Variants in HMGB1 observed in about 807,000 individuals in gnomAD.
HMGB1 encodes the protein high mobility group box 1.
For missense variants in HMGB1, 79 were observed against 253.5 expected (o/e 0.31, Z 4.67); for synonymous variants, 81 against 84.0 (o/e 0.96, Z 0.19).
intron 1 of HMGB1, among the ~76,000 whole-genome samples, chr13:30,496,943 T>A (rs1164831416): frequency 6.6e-6 from 1 of 151,994 alleles, no homozygotes; most frequent in African/African-American, 2.4e-5. Flanking sequence ...ACAAGTAGTG[T>A]CTCTTTTATT....
At chr13:30,617,165 C>G (rs1950574392) in exon 1 of HMGB1, 1 of 152,182 alleles carries the variant, frequency 6.6e-6, no homozygotes, top group Non-Finnish European at 1.5e-5. Context: ...GTTGACTAGT[C>G]AGAACGGGTC....
intron 1 of HMGB1, among the ~76,000 whole-genome samples, chr13:30,505,879 C>G (rs1033561024): frequency 6.6e-6 from 1 of 152,004 alleles, no homozygotes; most frequent in African/African-American, 2.4e-5. Flanking sequence ...ATCAAGTAGA[C>G]AGTTTTTTTG....
intron 1 of HMGB1, among the ~76,000 whole-genome samples, chr13:30,564,090 A>G (rs1430052976): frequency 6.6e-6 from 1 of 152,104 alleles, no homozygotes; most frequent in Non-Finnish European, 1.5e-5. Context: ...AAGGTGATAT[A>G]TTCTCAAATG....
At chr13:30,612,814 A>G (rs1258595921) in intron 1 of HMGB1, among the ~76,000 whole-genome samples, 1 of 152,208 alleles carries the variant, frequency 6.6e-6, no homozygotes, top group African/African-American at 2.4e-5. Context: ...TACTTCAACA[A>G]GTACTTATAG....
chr13:30,538,642 C>CCTTT (rs796687003), intron 1 of HMGB1, among the ~76,000 whole-genome samples: 57 of 51,034 alleles, frequency 1.1e-3, no homozygotes, highest in East Asian at 6.3e-3. Context: ...TTTCTTTCTT[C>CCTTT]CTTTCTTTCT....
rs188409018 is a variant in HMGB1, at chr13:30,457,401, C to A, written c.*3956G>T. The A allele has an allele frequency of 6.6e-6, 1 of 152,310 alleles. No homozygotes were observed. Among genetic ancestry groups the A allele is most frequent in the African/African-American group, 2.4e-5 (1 of 41,584 alleles). 9.4% of individuals were successfully genotyped at this position (152,310 alleles called of 1,614,324 possible). On this transcript the variant is annotated 3_prime_UTR_variant, in exon 5 of 5. Coordinates refer to ENST00000341423, the MANE Select transcript of HMGB1 (RefSeq NM_002128.7). ...TTGCAGATTTTATTCCTACTTCCTT[C>A]TTTTCAGTGGATGCCCAATAAATTC...
At chr13:30,558,656 T>C (rs1288181712) in intron 1 of HMGB1, among the ~76,000 whole-genome samples, 1 of 152,152 alleles carries the variant, frequency 6.6e-6, no homozygotes, top group African/African-American at 2.4e-5. Flanking sequence ...CCTTCCTTTT[T>C]CCAAAAAGAC....
In HMGB1 at chr13:30,549,953, G is replaced by A. The variant is rs186428260; in HGVS notation, c.-15+66718C>T. 1.4e-3 allele frequency among the ~76,000 whole-genome samples: 205 copies of A among 151,824 alleles called. 1 individual carries two copies. In the East Asian group the frequency reaches 0.031, roughly 23 times the overall value. On this transcript the variant is annotated intron_variant, in intron 1 of 4. Transcript: ENST00000405805. ...GCTGGTCTGGAACTCCTGACCCCAA[G>A]TAATCCGCCTGCCTCAGCCTCCCAA...
intron 1 of HMGB1, among the ~76,000 whole-genome samples, chr13:30,555,669 G>A (rs776130566): frequency 1.5e-4 from 23 of 152,072 alleles, no homozygotes; most frequent in Non-Finnish European, 2.5e-4. Flanking sequence ...AAGACAAACC[G>A]CATTTCCATA....
intron 1 of HMGB1, among the ~76,000 whole-genome samples, chr13:30,580,895 G>A (rs1351949516): frequency 6.6e-6 from 1 of 152,124 alleles, no homozygotes; most frequent in Non-Finnish European, 1.5e-5. Flanking sequence ...TTAGAATTGA[G>A]ACACCCTTTC....
chr13:30,614,790 G>A (rs889826275), intron 1 of HMGB1, among the ~76,000 whole-genome samples: 3 of 151,916 alleles, frequency 2.0e-5, no homozygotes, highest in Non-Finnish European at 1.5e-5. Flanking sequence ...TCTGACCCCC[G>A]GGGTTCAAGC....
chr13:30,514,219 GATA>G (rs1888052944), intron 1 of HMGB1, among the ~76,000 whole-genome samples: 1 of 151,818 alleles, frequency 6.6e-6, no homozygotes, highest in Non-Finnish European at 1.5e-5. Flanking sequence ...ATTACCTCAT[GATA>G]ATAATAGCAA....
At chr13:30,577,813 C>T (rs1870724163) in intron 1 of HMGB1, among the ~76,000 whole-genome samples, 1 of 152,222 alleles carries the variant, frequency 6.6e-6, no homozygotes, top group African/African-American at 2.4e-5. Context: ...AAGTGAGCTA[C>T]TATTATCTCA....
intron 1 of HMGB1, among the ~76,000 whole-genome samples, chr13:30,497,499 A>T (rs1376538854): frequency 6.8e-6 from 1 of 146,556 alleles, no homozygotes; most frequent in Non-Finnish European, 1.5e-5. Flanking sequence ...CAGGTTTGTT[A>T]TATAGGTAAA....
intron 1 of HMGB1, among the ~76,000 whole-genome samples, chr13:30,482,246 C>T (rs746909543): frequency 9.2e-5 from 14 of 152,292 alleles, no homozygotes; most frequent in Non-Finnish European, 1.2e-4. Flanking sequence ...TTCCGTGTCC[C>T]TCCTCCTCTC....
intron 1 of HMGB1, among the ~76,000 whole-genome samples, chr13:30,576,267 C>T (rs1044767855): frequency 3.9e-5 from 6 of 152,040 alleles, no homozygotes; most frequent in African/African-American, 1.5e-4. Flanking sequence ...CTTGGGAGAC[C>T]TAAATTCTAC....
At chr13:30,597,849 T>A (rs73167362) in intron 1 of HMGB1, among the ~76,000 whole-genome samples, 14,854 of 152,192 alleles carry the variant, frequency 0.098, 958 homozygotes, top group South Asian at 0.2. Flanking sequence ...GCCTGACCCC[T>A]GGTGTGTAGG....
rs546589883 is a variant in HMGB1 at position 30,582,758 on chromosome 13, G to A, written c.-15+33913C>T. Among the ~76,000 whole-genome samples, 29 of 152,228 alleles carry A rather than the reference G, an allele frequency of 1.9e-4. No homozygotes were observed. The South Asian group carries it at 4.6e-3, about 24-fold the overall frequency. On this transcript the variant is annotated intron_variant, in intron 1 of 4. Transcript: ENST00000405805. ...TATTTGTTATCTAATATAACCCCAC[G>A]TAACGACAGGTATTTAACAAATGTT...
At chr13:30,611,101 TATA>T (rs1461085996) in intron 1 of HMGB1, among the ~76,000 whole-genome samples, 2 of 152,242 alleles carry the variant, frequency 1.3e-5, no homozygotes, top group African/African-American at 2.4e-5. Context: ...GTTGCAGAAG[TATA>T]ATGTTTATGG....
Sources: allele counts gnomAD v4.1 joint callset (sites outside exome capture counted in the v4.1 genomes callset), GRCh38; gene constraint gnomAD v4.1.1; transcripts MANE v1.5; gene names NCBI Gene and HGNC (gene_info 2026-07-23, HGNC 2026-07-21).